PDE5A: variants seen among roughly 807,000 people sequenced by gnomAD.
PDE5A encodes cGMP-specific 3',5'-cyclic phosphodiesterase.
Under a neutral mutation model 110.2 loss-of-function variants are expected in PDE5A, and 67 were observed. The ratio of observed to expected loss-of-function variants is 0.61; its 90% confidence interval spans 0.50 to 0.75. The LOEUF is 0.75. Among genes scored for constraint, PDE5A ranks in the 30% least tolerant of loss-of-function variants. The pLI is 0.00. For missense variants in PDE5A, 862 were observed against 1,045.1 expected (o/e 0.82, Z 2.42); for synonymous variants, 328 against 351.2 (o/e 0.93, Z 0.74).
At chr4:119,612,452 G>A (rs145819259) in intron 1 of PDE5A, among the ~76,000 whole-genome samples, 1 of 152,298 alleles carries the variant, frequency 6.6e-6, no homozygotes, top group Non-Finnish European at 1.5e-5. Flanking sequence ...CATATGATAT[G>A]CAGGTTTCCA....
chr4:119,612,020 T>C (rs991747435), intron 1 of PDE5A, among the ~76,000 whole-genome samples: 3 of 152,244 alleles, frequency 2.0e-5, no homozygotes, highest in Non-Finnish European at 4.4e-5. Context: ...CTTCAGTCTG[T>C]ATGCAAATAC....
intron 14 of PDE5A, among the ~76,000 whole-genome samples, chr4:119,511,835 A>G (rs1436306989): frequency 6.6e-6 from 1 of 152,156 alleles, no homozygotes; most frequent in Non-Finnish European, 1.5e-5. Context: ...TATTATACTC[A>G]GTTCATTATA....
chr4:119,624,996 AG>A (rs1730289562), intron 1 of PDE5A, among the ~76,000 whole-genome samples: 1 of 151,700 alleles, frequency 6.6e-6, no homozygotes, highest in Admixed American at 6.6e-5. Flanking sequence ...ATAACTAAAA[AG>A]CTCCAAGTTA....
intron 1 of PDE5A, among the ~76,000 whole-genome samples, chr4:119,621,446 C>G (rs963142105): frequency 3.9e-5 from 6 of 152,138 alleles, no homozygotes; most frequent in African/African-American, 1.4e-4. Context: ...GACCCACATA[C>G]AGTTAACAAG....
intron 1 of PDE5A, among the ~76,000 whole-genome samples, chr4:119,610,029 T>C (rs963156427): frequency 6.6e-6 from 1 of 152,228 alleles, no homozygotes; most frequent in African/African-American, 2.4e-5. Flanking sequence ...AAAAGCAATG[T>C]GGTAGGTAAG....
chr4:119,607,380 G>T, intron 1 of PDE5A, 83 bp from the exon 2 acceptor site: 2 of 716,846 alleles, frequency 2.8e-6, no homozygotes, highest in Non-Finnish European at 4.6e-6. Context: ...TCTTCTCATG[G>T]TAAACTGATG....
chr4:119,510,565 T>C (rs909213433), intron 15 of PDE5A, among the ~76,000 whole-genome samples: 34 of 152,084 alleles, frequency 2.2e-4, no homozygotes, highest in African/African-American at 7.0e-4. Context: ...ATAAGTATGT[T>C]TAGCATAGCA....
chr4:119,613,755 A>C (rs1207685948), intron 1 of PDE5A, among the ~76,000 whole-genome samples: 4 of 151,688 alleles, frequency 2.6e-5, no homozygotes, highest in African/African-American at 9.7e-5. Context: ...CATTAGTGCT[A>C]CTGAAAAAAA....
At chr4:119,501,311 A>G (rs777200340) in intron 19 of PDE5A, 58 bp from the exon 20 acceptor site, 4 of 1,042,632 alleles carry the variant, frequency 3.8e-6, no homozygotes, top group Non-Finnish European at 5.9e-6. Context: ...TTAGTTAGTT[A>G]TTACTTTATT....
At chr4:119,502,363 C>CTGA in intron 19 of PDE5A, 1 of 361,584 alleles carries the variant, frequency 2.8e-6, no homozygotes, top group Non-Finnish European at 5.0e-6. Flanking sequence ...ACAAAGAACA[C>CTGA]TGATACAATA....
At chr4:119,504,834 ATTT>A (rs1725502408) in intron 17 of PDE5A, among the ~76,000 whole-genome samples, 1 of 152,066 alleles carries the variant, frequency 6.6e-6, no homozygotes, top group Non-Finnish European at 1.5e-5. Context: ...AAACTGCCTC[ATTT>A]AGCTCCAGAT....
chr4:119,503,276 A>C (rs549582204), intron 18 of PDE5A, among the ~76,000 whole-genome samples: 1 of 152,176 alleles, frequency 6.6e-6, no homozygotes, highest in Admixed American at 6.6e-5. Flanking sequence ...TCAAAATGAA[A>C]TCTTGAAAAA....
intron 1 of PDE5A, among the ~76,000 whole-genome samples, chr4:119,626,061 TAAG>T (rs1730336143): frequency 6.6e-6 from 1 of 152,190 alleles, no homozygotes; most frequent in Non-Finnish European, 1.5e-5. Context: ...CATAACCTCT[TAAG>T]AATATGTATA....
chr4:119,521,295 C>T (rs1578739839), intron 12 of PDE5A, among the ~76,000 whole-genome samples: 1 of 151,720 alleles, frequency 6.6e-6, no homozygotes, highest in Non-Finnish European at 1.5e-5. Context: ...ATGTTAAGTA[C>T]CATGCTAATT....
chr4:119,563,005 A>G (rs750627693), intron 5 of PDE5A, 35 bp from the exon 6 acceptor site: 1 of 1,519,554 alleles, frequency 6.6e-7, no homozygotes, highest in African/African-American at 1.4e-5. Context: ...TTATTTAGCA[A>G]TTGATTGTAA....
Position 119,525,755 on chromosome 4 carries a change from A to G in PDE5A, c.1633-60T>C. On this transcript the variant is annotated intron_variant, in intron 11 of 20. Transcript: ENST00000354960. The surrounding 1 kb of genome is among the most constrained non-coding windows in gnomAD (Gnocchi z 4.3). ...TTAATTAAAGCAGCAGTGATTTGCA[A>G]GGTTTTCTTGTTTTGCTGCAGAGAA... The G allele has an allele frequency of 6.5e-7, 1 of 1,528,224 alleles. No homozygotes were observed. Among genetic ancestry groups the G allele is most frequent in the Middle Eastern group, 1.7e-4 (1 of 5,718 alleles). The allele number at this position is 1,528,224 out of a possible 1,614,324, so 94.7% of individuals were successfully genotyped here. A position where few individuals can be genotyped will look rare whatever the true frequency, so the allele number is the denominator to read the frequency against.
rs142619828 is a variant in PDE5A at position 119,606,899 on chromosome 4, C to T, written c.551G>A (p.Arg184His). 5.0e-6 allele frequency: 8 copies of T among 1,614,080 alleles called. No individual in the cohort carries two copies. The highest frequency in any genetic ancestry group is 2.7e-5 in the African/African-American group (2 of 74,924). ...TTCACAGACAAGGAACAGGGAATAG[C>T]GGTCAGCAGATATCAGTCCATGGAT... ...LHIHGLISAD[R>H]YSLFLVCEDS... is the part of the protein sequence containing the mutation. The change falls in exon 2 of 21, where the codon CGC (arginine) becomes CAC (histidine). Residue 184 changes from arginine to histidine, a missense_variant. Physicochemically the swap from Arg to His is conservative, Grantham distance 29. Coordinates refer to ENST00000354960, the MANE Select transcript of PDE5A (RefSeq NM_001083.4).
chr4:119,505,143 G>C (rs1198341849), intron 17 of PDE5A, among the ~76,000 whole-genome samples: 2 of 151,870 alleles, frequency 1.3e-5, no homozygotes, highest in Non-Finnish European at 2.9e-5. Context: ...AGTTAGGAAA[G>C]TTTTCTCACT....
At position 119,627,381 on chromosome 4, in the gene PDE5A, C is replaced by G. The variant is rs755701059; in HGVS notation, c.152+1139G>C. 1 of 874,040 alleles carries G rather than the reference C, an allele frequency of 1.1e-6. No individual in the cohort carries two copies. Among genetic ancestry groups the G allele is most frequent in the Non-Finnish European group, 1.4e-6 (1 of 726,882 alleles). The allele number at this position is 874,040 out of a possible 1,614,324, so 54.1% of individuals were successfully genotyped here. Reference sequence around the variant, plus strand: ...CCTGGCGGGGAGCGACCGGCAGAGCCGCGGCCGCGCGCCGGCGAGTGGGAC... The same window carrying G: ...CCTGGCGGGGAGCGACCGGCAGAGCGGCGGCCGCGCGCCGGCGAGTGGGAC... On this transcript the variant is annotated intron_variant, in intron 1 of 20. Transcript: ENST00000354960. This position sits in a 1 kb window ranked among gnomAD's most constrained non-coding sequence, Gnocchi z 4.6.
Sources: gnomAD v4.1 joint callset for allele counts (sites outside exome capture counted in the v4.1 genomes callset) on GRCh38, gnomAD v4.1.1 for gene constraint, Gnocchi (gnomAD v3.1) non-coding constraint, MANE v1.5 for transcripts, NCBI Gene and HGNC (gene_info 2026-07-23, HGNC 2026-07-21) for gene names.